KCNMA1: variants seen among roughly 807,000 people sequenced by gnomAD.
KCNMA1 encodes the protein Calcium-activated potassium channel subunit alpha-1.
In KCNMA1, 29 loss-of-function variants were observed where a neutral mutation model predicts 140.0. That is an observed-to-expected ratio of 0.21 (90% CI 0.15 to 0.28). The LOEUF is 0.28. KCNMA1 is among the 10% of genes least tolerant of loss of function. The pLI is 1.00. For missense variants in KCNMA1, 880 were observed against 1,602.2 expected (o/e 0.55, Z 7.70); for synonymous variants, 612 against 611.9 (o/e 1.00, Z 0.00).
intron 3 of KCNMA1, among the ~76,000 whole-genome samples, chr10:77,197,550 G>T (rs1217879390): frequency 6.6e-6 from 1 of 152,188 alleles, no homozygotes; most frequent in Non-Finnish European, 1.5e-5. Context: ...AGCAAACTGA[G>T]GGCCCACAGG....
intron 3 of KCNMA1, among the ~76,000 whole-genome samples, chr10:77,218,848 G>T (rs376184625): frequency 6.6e-6 from 1 of 151,954 alleles, no homozygotes; most frequent in Non-Finnish European, 1.5e-5. Flanking sequence ...CACCATATCC[G>T]GCTAATTTTT....
chr10:77,473,840 G>T (rs1192746169), intron 1 of KCNMA1, among the ~76,000 whole-genome samples: 1 of 152,134 alleles, frequency 6.6e-6, no homozygotes, highest in Non-Finnish European at 1.5e-5. Context: ...CCTTAATAAC[G>T]TGTCACCATG....
At chr10:77,217,695 T>C (rs1378331722) in intron 3 of KCNMA1, 2 of 342,552 alleles carry the variant, frequency 5.8e-6, no homozygotes, top group Non-Finnish European at 1.2e-5. Context: ...TCTTGAAAAT[T>C]ATGTGTAGAT....
intron 1 of KCNMA1, among the ~76,000 whole-genome samples, chr10:77,621,810 T>A (rs2091480219): frequency 6.6e-6 from 1 of 152,048 alleles, no homozygotes; most frequent in Non-Finnish European, 1.5e-5. Context: ...ATGCCTGTAG[T>A]CACATGCCTG....
intron 2 of KCNMA1, among the ~76,000 whole-genome samples, chr10:77,273,615 C>T (rs1418056593): frequency 1.3e-5 from 2 of 152,114 alleles, no homozygotes; most frequent in Admixed American, 1.3e-4. Flanking sequence ...AACAAGGTCT[C>T]AATTTCCAAT....
At chr10:76,898,507 C>T (rs74139849) in intron 25 of KCNMA1, among the ~76,000 whole-genome samples, 2 of 149,824 alleles carry the variant, frequency 1.3e-5, no homozygotes, top group Non-Finnish European at 3.0e-5. Context: ...TTTGTAACAA[C>T]GATTACAAAA....
At chr10:77,292,129 A>G (rs2073476630) in intron 2 of KCNMA1, among the ~76,000 whole-genome samples, 2 of 152,196 alleles carry the variant, frequency 1.3e-5, no homozygotes, top group African/African-American at 4.8e-5. Context: ...GGTTATTTCC[A>G]GAGATAAGAA....
intron 2 of KCNMA1, among the ~76,000 whole-genome samples, chr10:77,337,454 A>G (rs1387117822): frequency 6.6e-6 from 1 of 152,102 alleles, no homozygotes; most frequent in Non-Finnish European, 1.5e-5. Context: ...CCCCTTCTCT[A>G]CTAAAAAATA....
chr10:77,632,420 A>C (rs1362661817), intron 1 of KCNMA1, among the ~76,000 whole-genome samples: 1 of 152,064 alleles, frequency 6.6e-6, no homozygotes, highest in East Asian at 1.9e-4. Context: ...GGACAACCAT[A>C]CCTGCCCACC....
chr10:77,038,741 G>A (rs2094483275), intron 15 of KCNMA1, among the ~76,000 whole-genome samples: 1 of 152,142 alleles, frequency 6.6e-6, no homozygotes, highest in African/African-American at 2.4e-5. Context: ...AAGTCTCACT[G>A]TGTTGCCCAG....
At chr10:76,948,310 T>C (rs1345776415) in intron 22 of KCNMA1, among the ~76,000 whole-genome samples, 5 of 152,166 alleles carry the variant, frequency 3.3e-5, no homozygotes, top group African/African-American at 1.2e-4. Context: ...CTGGCCCCTG[T>C]TTCTCAGTTT....
intron 1 of KCNMA1, among the ~76,000 whole-genome samples, chr10:77,492,530 TATC>T (rs898129104): frequency 2.0e-5 from 3 of 152,336 alleles, no homozygotes; most frequent in Non-Finnish European, 4.4e-5. Flanking sequence ...TCCTAGCTGG[TATC>T]ATCATCATCT....
intron 23 of KCNMA1, among the ~76,000 whole-genome samples, chr10:76,922,022 G>A (rs75446711): frequency 1.3e-5 from 2 of 152,140 alleles, no homozygotes; most frequent in African/African-American, 2.4e-5. Context: ...CCCCCAACAA[G>A]GTGCTGGAGG....
At chr10:76,924,980 C>T (rs147202653) in intron 23 of KCNMA1, among the ~76,000 whole-genome samples, 6 of 152,254 alleles carry the variant, frequency 3.9e-5, no homozygotes, top group East Asian at 1.9e-4. Flanking sequence ...ACTTCAGAAA[C>T]GCTGTTCCCC....
chr10:77,595,810 G>A lies in KCNMA1; in HGVS notation c.378+41455C>T, dbSNP rs184772151. On this transcript the variant is annotated intron_variant, in intron 1 of 27. Transcript: ENST00000286628. ...ACTACAGGTGCGCGCCATCATGCCC[G>A]GCTAATTTTTATATTTTTAGTAGAG... is the stretch of plus-strand genomic sequence containing the variant. 3.8e-4 allele frequency among the ~76,000 whole-genome samples: 58 copies of A among 152,142 alleles called. No individual in the cohort carries two copies. In the East Asian group the frequency reaches 7.4e-3, roughly 19 times the overall value.
chr10:77,558,375 C>T lies in KCNMA1; in HGVS notation c.378+78890G>A, dbSNP rs1212956220. ...CTGGGTGTAGCAACTCCATCAAATCCATTGGATCACGATGATCCTGGTACA... is the reference window on the plus strand; with the variant it reads ...CTGGGTGTAGCAACTCCATCAAATCTATTGGATCACGATGATCCTGGTACA... On this transcript the variant is annotated intron_variant, in intron 1 of 27. Transcript: ENST00000286628. Among the ~76,000 whole-genome samples the T allele has an allele frequency of 2.6e-5, 4 of 152,154 alleles. No homozygotes were observed. The East Asian group carries it at 7.7e-4, about 29-fold the overall frequency.
At chr10:76,887,866 T>G in intron 27 of KCNMA1, 1 of 321,470 alleles carries the variant, frequency 3.1e-6, no homozygotes. Flanking sequence ...TGATGCAACT[T>G]TCATTTCATA....
intron 2 of KCNMA1, among the ~76,000 whole-genome samples, chr10:77,370,397 C>T (rs1216234977): frequency 6.6e-6 from 1 of 151,846 alleles, no homozygotes; most frequent in Non-Finnish European, 1.5e-5. Flanking sequence ...TACCTATTTC[C>T]TACCAAAAAA....
intron 3 of KCNMA1, among the ~76,000 whole-genome samples, chr10:77,196,411 G>A (rs1036392436): frequency 1.3e-5 from 2 of 152,156 alleles, no homozygotes; most frequent in Non-Finnish European, 2.9e-5. Context: ...ATATGCCAAC[G>A]TGCTGGGCAG....
Sources: gnomAD v4.1 joint callset for allele counts (sites outside exome capture counted in the v4.1 genomes callset) on GRCh38, gnomAD v4.1.1 for gene constraint, MANE v1.5 for transcripts, NCBI Gene and HGNC (gene_info 2026-07-23, HGNC 2026-07-21) for gene names.